The following VWA5A variants were observed in gnomAD, a reference collection of about 807,000 sequenced individuals.
The protein encoded by VWA5A is von Willebrand factor A domain-containing protein 5A.
In VWA5A, 77 loss-of-function variants were observed where a neutral mutation model predicts 84.6. That is an observed-to-expected ratio of 0.91 (90% CI 0.76 to 1.10). The LOEUF (loss-of-function observed/expected upper bound fraction) is 1.10, where lower values mean the gene tolerates loss of function less well. Among genes scored for constraint, VWA5A ranks in the 50% least tolerant of loss-of-function variants. VWA5A has a pLI of 0.00. For missense variants in VWA5A, 973 were observed against 963.0 expected (o/e 1.01, Z -0.14); for synonymous variants, 334 against 350.1 (o/e 0.95, Z 0.51).
intron 11 of VWA5A, among the ~76,000 whole-genome samples, chr11:124,129,469 G>T (rs1335790853): frequency 1.3e-5 from 2 of 152,074 alleles, no homozygotes; most frequent in Non-Finnish European, 1.5e-5. Flanking sequence ...GCCAGGTTTT[G>T]GTATTAAGAT....
At chr11:124,118,909 A>C in intron 6 of VWA5A, 66 bp from the exon 7 acceptor site, 1 of 1,520,684 alleles carries the variant, frequency 6.6e-7, no homozygotes, top group Non-Finnish European at 9.0e-7. Flanking sequence ...ACTGCGCCCT[A>C]ACCTCAGCCC....
rs546916636 is a variant in VWA5A, at chr11:124,144,696, T to C, written c.2155-541T>C. Among the ~76,000 whole-genome samples, 10 of 152,334 alleles carry C rather than the reference T, an allele frequency of 6.6e-5. No individual in the cohort carries two copies. In the South Asian group the frequency reaches 1.0e-3, roughly 16 times the overall value. On this transcript the variant is annotated intron_variant, in intron 17 of 18. Transcript: ENST00000456829. ...TCATGGGAGACAATTTTCTGCTGCA[T>C]GGCTGAGATTTTCTATTGAGAAATA... is the stretch of plus-strand genomic sequence containing the variant.
At chr11:124,118,063 C>T in intron 4 of VWA5A, 126 bp from the exon 5 acceptor site, 1 of 1,270,644 alleles carries the variant, frequency 7.9e-7, no homozygotes, top group East Asian at 2.5e-5. Context: ...CAATCAGAGG[C>T]ATTCAGAGTA....
At chr11:124,131,922 C>T (rs1258092905) in intron 11 of VWA5A, among the ~76,000 whole-genome samples, 2 of 151,814 alleles carry the variant, frequency 1.3e-5, no homozygotes, top group East Asian at 1.9e-4. Context: ...CAACTTTGCA[C>T]GATTAAGTAT....
At chr11:124,118,888 T>C in intron 6 of VWA5A, 87 bp from the exon 7 acceptor site, 2 of 1,404,042 alleles carry the variant, frequency 1.4e-6, no homozygotes, top group South Asian at 2.5e-5. Flanking sequence ...CATGCTGTCT[T>C]ATGGAGGAGG....
chr11:124,137,811 T>A (rs946675486), intron 15 of VWA5A, among the ~76,000 whole-genome samples: 13 of 152,182 alleles, frequency 8.5e-5, no homozygotes, highest in Admixed American at 2.0e-4. Context: ...CTACTTTCTA[T>A]CTCTATACAT....
rs533071836 is a variant in VWA5A at position 124,147,371 on chromosome 11, T to A, written c.*1426T>A. On this transcript the variant is annotated 3_prime_UTR_variant, in exon 19 of 19. Coordinates refer to ENST00000456829, the MANE Select transcript of VWA5A (RefSeq NM_001130142.2). Reference sequence around the variant, plus strand: ...GATTAAACTAGAACTTTATTAACACTTTCGAGTTCCACTCAGAATTCCTAG... The same window carrying A: ...GATTAAACTAGAACTTTATTAACACATTCGAGTTCCACTCAGAATTCCTAG... 2.5e-4 allele frequency: 38 copies of A among 152,332 alleles called. No homozygotes were observed. The highest frequency in any genetic ancestry group is 3.4e-3 in the Middle Eastern group (1 of 294). 9.4% of individuals were successfully genotyped at this position (152,332 alleles called of 1,614,324 possible).
At position 124,146,983 on chromosome 11, in the gene VWA5A, A is replaced by G. The variant is rs1181257169; in HGVS notation, c.*1038A>G. 6.0e-6 allele frequency: 1 copy of G among 166,858 alleles called. No individual in the cohort carries two copies. The highest frequency in any genetic ancestry group is 1.9e-4 in the East Asian group (1 of 5,200). 10.3% of individuals were successfully genotyped at this position (166,858 alleles called of 1,614,324 possible). The stretch of plus-strand genomic sequence containing the variant: ...TTGGTACTGCCACTTTGGGAAGCCA[A>G]ACTAGGATAGTAAATTGACCGGAAC... On this transcript the variant is annotated 3_prime_UTR_variant, in exon 19 of 19. Transcript: ENST00000456829.
rs1860592689 is a variant in VWA5A at position 124,136,671 on chromosome 11, T to C, written c.1622T>C (p.Val541Ala). 10 of 1,612,994 alleles carry C rather than the reference T, an allele frequency of 6.2e-6. No homozygotes were observed. The highest frequency in any genetic ancestry group is 8.5e-6 in the Non-Finnish European group (10 of 1,179,362). The change falls in exon 14 of 19, where the codon GTC becomes GCC. Residue 541 changes from valine (V) to alanine (A), a missense_variant. Val to Ala is a moderately conservative substitution (Grantham distance 64). Coordinates refer to ENST00000456829, the MANE Select transcript of VWA5A (RefSeq NM_001130142.2). The part of the protein sequence containing the change: ...VTFPLQPKPD[V>A]NLTIHRLAAK... ...TTTCCTCTACAACCCAAGCCTGATG[T>C]CAAGTGAGAATTCAGTTTTCCCTTC... is the stretch of plus-strand genomic sequence containing the variant.
Position 124,117,661 on chromosome 11 carries a change from G to A in VWA5A, c.44-12G>A. On this transcript the variant is annotated splice_polypyrimidine_tract_variant and intron_variant, in intron 3 of 18. Transcript: ENST00000456829. ...TGAAGCTTGATGAACTTGAACTCTG[G>A]TCTATCTCCAGTGCCGCTGAAGAGT... 6.2e-7 allele frequency: 1 copy of A among 1,614,154 alleles called. No homozygotes were observed. The highest frequency in any genetic ancestry group is 8.5e-7 in the Non-Finnish European group (1 of 1,180,032).
At chr11:124,139,851 G>A (rs971350337) in intron 15 of VWA5A, among the ~76,000 whole-genome samples, 5 of 152,126 alleles carry the variant, frequency 3.3e-5, no homozygotes, top group Admixed American at 3.3e-4. Context: ...TAGAAGTGGT[G>A]AAAGTCAGCA....
chr11:124,135,405 A>T lies in VWA5A; in HGVS notation c.1359+371A>T, dbSNP rs1865160105. Among the ~76,000 whole-genome samples the T allele has an allele frequency of 2.0e-5, 3 of 152,210 alleles. No individual in the cohort carries two copies. In the South Asian group the frequency reaches 6.2e-4, roughly 32 times the overall value. On this transcript the variant is annotated intron_variant, in intron 12 of 18. Transcript: ENST00000456829. ...GTACTACATGCATCCTCCATGCAAA[A>T]GATACAAAGAAAAGGAGAAGGAATA...
chr11:124,119,680 CT>C (rs1477491150), intron 7 of VWA5A, among the ~76,000 whole-genome samples: 1 of 152,124 alleles, frequency 6.6e-6, no homozygotes, highest in Non-Finnish European at 1.5e-5. Context: ...CTCTTATTGG[CT>C]AAATTTGCTA....
chr11:124,145,208 C>G, intron 17 of VWA5A, 29 bp from the exon 18 acceptor site: 1 of 1,586,480 alleles, frequency 6.3e-7, no homozygotes, highest in Non-Finnish European at 8.6e-7. Context: ...ACTTCCTGTG[C>G]CAACTGGAGC....
In VWA5A at chr11:124,119,059, T is replaced by C; in HGVS notation, c.730T>C (p.Leu244=). 2.5e-6 allele frequency: 4 copies of C among 1,614,210 alleles called. No homozygotes were observed. The highest frequency in any genetic ancestry group is 3.4e-6 in the Non-Finnish European group (4 of 1,180,030). The stretch of plus-strand genomic sequence containing the variant: ...TGAGGTGCATACCCCCAGCGTGGTT[T>C]TGGAGATGGGGATGCCTAACATGAA... The part of the protein sequence containing the change: ...YNEVHTPSVV[L]EMGMPNMKPG... Residue 244 remains leucine (L), a synonymous_variant, in exon 7 of 19, where the codon TTG becomes CTG. Coordinates refer to ENST00000456829, the MANE Select transcript of VWA5A (RefSeq NM_001130142.2).
intron 7 of VWA5A, among the ~76,000 whole-genome samples, chr11:124,120,207 T>C (rs1299033048): frequency 2.0e-5 from 3 of 152,212 alleles, no homozygotes; most frequent in African/African-American, 7.2e-5. Context: ...TTTCTTTTAA[T>C]GTTTATTACT....
In VWA5A at chr11:124,117,791, C is replaced by T. The variant is rs532266318; in HGVS notation, c.162C>T (p.Pro54=). Residue 54 remains proline (P), a synonymous_variant, in exon 4 of 19, where the codon CCC becomes CCT. Transcript: ENST00000456829. ...KVPLEAFFVF[P]MDEDSAVYSF... is the part of the protein sequence containing the mutation. ...CTTTGGAGGCCTTCTTTGTGTTCCC[C>T]ATGGATGAAGACTCTGCTGTTTACA... 17 of 1,614,044 alleles carry T rather than the reference C, an allele frequency of 1.1e-5. No individual in the cohort carries two copies. In the South Asian group the frequency reaches 1.5e-4, roughly 15 times the overall value.
chr11:124,121,153 T>C (rs745618757), intron 7 of VWA5A, among the ~76,000 whole-genome samples: 2 of 152,182 alleles, frequency 1.3e-5, no homozygotes, highest in African/African-American at 4.8e-5. Context: ...CCTACAGATA[T>C]ATGACAAAAA....
chr11:124,135,721 G>A (rs559216384), intron 12 of VWA5A, among the ~76,000 whole-genome samples: 17 of 150,446 alleles, frequency 1.1e-4, no homozygotes, highest in Admixed American at 4.0e-4. Context: ...TAGTAGAGAC[G>A]GGGTTTCACC....
Sources: allele counts gnomAD v4.1 joint callset (sites outside exome capture counted in the v4.1 genomes callset), GRCh38; gene constraint gnomAD v4.1.1; transcripts MANE v1.5; gene names NCBI Gene and HGNC (gene_info 2026-07-23, HGNC 2026-07-21).